TMEM132D: variants seen among roughly 807,000 people sequenced by gnomAD.
The protein encoded by TMEM132D is transmembrane protein 132D.
A neutral mutation model predicts 62.3 loss-of-function variants in TMEM132D; 21 were observed. That is an observed-to-expected ratio of 0.34 (90% confidence interval 0.24 to 0.49). The LOEUF (loss-of-function observed/expected upper bound fraction) is 0.49. Among genes scored for constraint, TMEM132D ranks in the 20% least tolerant of loss-of-function variants. The probability of loss-of-function intolerance (pLI) is 0.99; values close to 1 mark genes in which losing one functional copy is unlikely to be tolerated. For missense variants in TMEM132D, 1,346 were observed against 1,402.8 expected (o/e 0.96, Z 0.65); for synonymous variants, 621 against 575.6 (o/e 1.08, Z -1.13).
rs370713506 is a variant in TMEM132D at position 129,827,386 on chromosome 12, C to G, written c.79+75875G>C. 5.0e-4 allele frequency among the ~76,000 whole-genome samples: 76 copies of G among 152,270 alleles called. No individual in the cohort carries two copies. In the East Asian group the frequency reaches 0.01, roughly 21 times the overall value. On this transcript the variant is annotated intron_variant, in intron 1 of 8. Coordinates refer to ENST00000422113, the MANE Select transcript of TMEM132D (RefSeq NM_133448.3). This position sits in a 1 kb window ranked among gnomAD's most constrained non-coding sequence, Gnocchi z 9.7. ...CCCAGGCAGAACTCTGGAGCACTGG[C>G]TAAAAACTGTAAGCAGCTGAACCAA...
At chr12:129,689,052 C>T (rs1880998462) in intron 2 of TMEM132D, among the ~76,000 whole-genome samples, 1 of 152,158 alleles carries the variant, frequency 6.6e-6, no homozygotes, top group South Asian at 2.1e-4. Context: ...AGAGATGCTT[C>T]TCAACGTCCT....
At chr12:129,424,504 TC>T (rs1872430882) in intron 3 of TMEM132D, among the ~76,000 whole-genome samples, 1 of 151,934 alleles carries the variant, frequency 6.6e-6, no homozygotes, top group East Asian at 1.9e-4. Flanking sequence ...ATTGAGACCA[TC>T]CTGGCCAACA....
intron 4 of TMEM132D, among the ~76,000 whole-genome samples, chr12:129,250,299 T>C (rs998018894): frequency 2.0e-5 from 3 of 152,196 alleles, no homozygotes; most frequent in African/African-American, 7.2e-5. Context: ...GTATCACAAT[T>C]TTATGCAGAT....
chr12:129,742,158 T>C (rs1869629827), intron 1 of TMEM132D, among the ~76,000 whole-genome samples: 1 of 152,198 alleles, frequency 6.6e-6, no homozygotes, highest in African/African-American at 2.4e-5. Context: ...TACTAAACAG[T>C]TCTAACATTA....
chr12:129,546,416 C>G (rs558001543), intron 2 of TMEM132D, among the ~76,000 whole-genome samples: 2 of 152,216 alleles, frequency 1.3e-5, no homozygotes, highest in African/African-American at 4.8e-5. Flanking sequence ...GTTTCCATTT[C>G]AAATAGGCAG....
intron 1 of TMEM132D, among the ~76,000 whole-genome samples, chr12:129,822,416 G>A (rs1025218918): frequency 6.6e-6 from 1 of 152,184 alleles, no homozygotes; most frequent in African/African-American, 2.4e-5. Context: ...GGGCAAGCCA[G>A]GCTCAAGCTC....
At chr12:129,796,251 T>TG (rs1481562863) in intron 1 of TMEM132D, among the ~76,000 whole-genome samples, 1 of 152,150 alleles carries the variant, frequency 6.6e-6, no homozygotes, top group Non-Finnish European at 1.5e-5. Context: ...AAATCTTTTT[T>TG]GGGGGGATGA....
intron 4 of TMEM132D, among the ~76,000 whole-genome samples, chr12:129,319,187 C>A (rs147055255): frequency 1.3e-4 from 20 of 152,186 alleles, no homozygotes; most frequent in Admixed American, 1.2e-3. Flanking sequence ...TGGAGTTTTA[C>A]CCCCTGCTCC....
intron 2 of TMEM132D, among the ~76,000 whole-genome samples, chr12:129,542,914 C>T (rs7970848): frequency 1.3e-5 from 2 of 151,868 alleles, no homozygotes; most frequent in Non-Finnish European, 2.9e-5. Context: ...CAGGCACATG[C>T]TGTATAGGTT....
At chr12:129,343,976 A>G (rs1869602395) in intron 3 of TMEM132D, among the ~76,000 whole-genome samples, 4 of 152,144 alleles carry the variant, frequency 2.6e-5, no homozygotes, top group Admixed American at 2.6e-4. Context: ...TTCTTGCAAA[A>G]CATAGTAATT....
intron 4 of TMEM132D, among the ~76,000 whole-genome samples, chr12:129,301,647 A>G (rs1255362878): frequency 1.3e-5 from 2 of 152,216 alleles, no homozygotes; most frequent in Non-Finnish European, 2.9e-5. Flanking sequence ...GCAAAAGCTA[A>G]CATTTATTGA....
At chr12:129,502,932 C>A (rs947484147) in intron 3 of TMEM132D, among the ~76,000 whole-genome samples, 1 of 152,160 alleles carries the variant, frequency 6.6e-6, no homozygotes, top group African/African-American at 2.4e-5. Flanking sequence ...GTTCGTCTGT[C>A]CTTTGCCACT....
At chr12:129,608,498 T>G (rs929871222) in intron 2 of TMEM132D, among the ~76,000 whole-genome samples, 6 of 152,162 alleles carry the variant, frequency 3.9e-5, no homozygotes, top group Non-Finnish European at 5.9e-5. Context: ...TTGGCAAATA[T>G]CTGACACTGT....
chr12:129,795,481 A>C (rs1871536062), intron 1 of TMEM132D, among the ~76,000 whole-genome samples: 1 of 152,246 alleles, frequency 6.6e-6, no homozygotes, highest in Non-Finnish European at 1.5e-5. Context: ...ACTCTGACAA[A>C]ACAGTATTTC....
At chr12:129,236,532 G>GA (rs1268799763) in intron 4 of TMEM132D, among the ~76,000 whole-genome samples, 7,088 of 113,398 alleles carry the variant, frequency 0.063, 610 homozygotes, top group African/African-American at 0.22. Flanking sequence ...AAAAAAAAAA[G>GA]AAAAAAAAAA....
intron 5 of TMEM132D, among the ~76,000 whole-genome samples, chr12:129,131,653 A>C (rs778718288): frequency 6.6e-6 from 1 of 152,144 alleles, no homozygotes. Flanking sequence ...AAGTTTTACT[A>C]TCAGGTATGA....
At chr12:129,332,905 C>T (rs1869155866) in intron 4 of TMEM132D, among the ~76,000 whole-genome samples, 1 of 152,116 alleles carries the variant, frequency 6.6e-6, no homozygotes, top group Non-Finnish European at 1.5e-5. Flanking sequence ...GCTATAGTTT[C>T]AGTTTGCAAG....
intron 2 of TMEM132D, among the ~76,000 whole-genome samples, chr12:129,595,928 T>C (rs1878323467): frequency 6.6e-6 from 1 of 152,182 alleles, no homozygotes; most frequent in Non-Finnish European, 1.5e-5. Context: ...TCTACATTAT[T>C]GTTTGGCCAT....
chr12:129,518,816 T>C (rs1384321839), intron 3 of TMEM132D, among the ~76,000 whole-genome samples: 1 of 152,162 alleles, frequency 6.6e-6, no homozygotes. Flanking sequence ...ATTTTTTCTA[T>C]TATCAATAAC....
Sources: gnomAD v4.1 joint callset for allele counts (sites outside exome capture counted in the v4.1 genomes callset) on GRCh38, gnomAD v4.1.1 for gene constraint, Gnocchi (gnomAD v3.1) non-coding constraint, MANE v1.5 for transcripts, NCBI Gene and HGNC (gene_info 2026-07-23, HGNC 2026-07-21) for gene names.